Variants in MRPL39 observed in about 807,000 individuals in gnomAD.
MRPL39 encodes the protein large ribosomal subunit protein mL39.
Under a neutral mutation model 44.5 loss-of-function variants are expected in MRPL39, and 35 were observed. The ratio of observed to expected loss-of-function variants is 0.79; its 90% CI spans 0.60 to 1.04. The LOEUF is 1.04. Ranked by LOEUF, MRPL39 falls within the 50% of genes least tolerant of loss-of-function variation. The pLI is 0.00. For synonymous variants in MRPL39, 139 were observed against 136.1 expected, an observed-to-expected ratio of 1.02 and a Z score of -0.15; for missense variants, 433 against 413.5, an observed-to-expected ratio of 1.05 and a Z score of -0.41.
At chr21:25,588,500 T>G (rs2031073543) in intron 9 of MRPL39, among the ~76,000 whole-genome samples, 1 of 152,160 alleles carries the variant, frequency 6.6e-6, no homozygotes, top group Non-Finnish European at 1.5e-5. Flanking sequence ...CTCTAAATAT[T>G]CATTAAGTTT....
chr21:25,592,751 TC>T, intron 8 of MRPL39, 60 bp downstream of exon 8: 1 of 1,276,912 alleles, frequency 7.8e-7, no homozygotes, highest in Non-Finnish European at 1.1e-6. Context: ...TGGTATAAAA[TC>T]AAGTCCGGAA....
intron 6 of MRPL39, among the ~76,000 whole-genome samples, chr21:25,596,379 T>A (rs7509646): frequency 0.59 from 89,638 of 152,094 alleles, 29,184 homozygotes; most frequent in Non-Finnish European, 0.75. Context: ...ATTACAGGCG[T>A]GAGCCACCGC....
intron 9 of MRPL39, among the ~76,000 whole-genome samples, chr21:25,587,169 C>T (rs1259452919): frequency 6.6e-6 from 1 of 152,170 alleles, no homozygotes; most frequent in Non-Finnish European, 1.5e-5. Flanking sequence ...CGTTTTTCTA[C>T]ATTTTTCATT....
intron 3 of MRPL39, among the ~76,000 whole-genome samples, chr21:25,601,918 C>G (rs142639487): frequency 6.6e-6 from 1 of 152,162 alleles, no homozygotes; most frequent in African/African-American, 2.4e-5. Context: ...CCTAACACAT[C>G]GTTCAGATTA....
intron 1 of MRPL39, 78 bp downstream of exon 1, chr21:25,607,325 G>C: frequency 1.3e-6 from 2 of 1,531,212 alleles, no homozygotes; most frequent in Middle Eastern, 1.7e-4. Context: ...GGACCTCCCC[G>C]GCCCCGCCTC....
chr21:25,585,682 T>A lies in MRPL39; in HGVS notation c.*25A>T. 1 of 1,238,576 alleles carries A rather than the reference T, an allele frequency of 8.1e-7. No homozygotes were observed. The highest frequency in any genetic ancestry group is 2.0e-5 in the Admixed American group (1 of 49,436). 76.7% of individuals were successfully genotyped at this position (1,238,576 alleles called of 1,614,324 possible). On this transcript the variant is annotated 3_prime_UTR_variant, in exon 10 of 10. Transcript: ENST00000352957. ...TATATTTAAAACATTTATTTTATTATACATATTTAAATTTTAGAAAGTTAT... is the reference window on the plus strand; with the variant it reads ...TATATTTAAAACATTTATTTTATTAAACATATTTAAATTTTAGAAAGTTAT...
chr21:25,606,286 G>A (rs1033655578), intron 2 of MRPL39, among the ~76,000 whole-genome samples, 163 bp downstream of exon 2: 1 of 152,188 alleles, frequency 6.6e-6, no homozygotes, highest in Non-Finnish European at 1.5e-5. Flanking sequence ...CTGTGATGTG[G>A]TGGGAGCAGT....
At position 25,607,385 on chromosome 21, in the gene MRPL39, AC is replaced by A; in HGVS notation, c.73+17del. 6.2e-7 allele frequency: 1 copy of A among 1,613,498 alleles called. No homozygotes were observed. Among genetic ancestry groups the A allele is most frequent in the Non-Finnish European group, 8.5e-7 (1 of 1,179,762 alleles). ...TATCTAGGCCTCGCTCCCTGTCCCTACGGCCTCTGAAACTCACTCCATTTGA... is the reference window on the plus strand; with the variant it reads ...TATCTAGGCCTCGCTCCCTGTCCCTAGGCCTCTGAAACTCACTCCATTTGA... On this transcript the variant is annotated intron_variant, in intron 1 of 9. Transcript: ENST00000352957.
At chr21:25,593,431 T>C (rs535700363) in intron 7 of MRPL39, among the ~76,000 whole-genome samples, 1 of 152,328 alleles carries the variant, frequency 6.6e-6, no homozygotes, top group African/African-American at 2.4e-5. Context: ...GCAGAATGCA[T>C]TGTCTTGGGA....
At chr21:25,602,014 A>G (rs542101188) in intron 3 of MRPL39, among the ~76,000 whole-genome samples, 5 of 152,156 alleles carry the variant, frequency 3.3e-5, no homozygotes, top group Non-Finnish European at 7.3e-5. Flanking sequence ...ATGGTATCAG[A>G]GCAATGACCT....
intron 5 of MRPL39, among the ~76,000 whole-genome samples, chr21:25,598,330 G>A (rs2031419999): frequency 6.6e-6 from 1 of 151,642 alleles, no homozygotes. Context: ...GCCAAGCACA[G>A]TGGCATACAC....
chr21:25,600,889 C>T (rs572228005), intron 4 of MRPL39, among the ~76,000 whole-genome samples: 4 of 152,238 alleles, frequency 2.6e-5, no homozygotes, highest in Admixed American at 6.5e-5. Flanking sequence ...AGGCAGATCA[C>T]GAGGTCAGGA....
At chr21:25,602,269 G>A (rs945948990) in intron 3 of MRPL39, among the ~76,000 whole-genome samples, 6 of 152,154 alleles carry the variant, frequency 3.9e-5, no homozygotes, top group Admixed American at 1.3e-4. Flanking sequence ...AATGTCTGTT[G>A]AACTCCAGTC....
chr21:25,599,117 G>A (rs1360562042), intron 5 of MRPL39, among the ~76,000 whole-genome samples: 1 of 152,178 alleles, frequency 6.6e-6, no homozygotes, highest in Non-Finnish European at 1.5e-5. Context: ...ATAACCATCA[G>A]CACCCCTTAC....
intron 7 of MRPL39, 91 bp from the exon 8 acceptor site, chr21:25,593,056 A>G: frequency 8.8e-7 from 1 of 1,139,842 alleles, no homozygotes; most frequent in Non-Finnish European, 1.2e-6. Context: ...CTTTGCTGCT[A>G]ACATCCCTAA....
intron 8 of MRPL39, among the ~76,000 whole-genome samples, chr21:25,589,861 T>C (rs2031116391): frequency 6.6e-6 from 1 of 152,190 alleles, no homozygotes; most frequent in Non-Finnish European, 1.5e-5. Context: ...TGCAGAGACC[T>C]TAAGCTGTGG....
At chr21:25,607,569 C>G, upstream of MRPL39, 2 of 1,304,478 alleles carry the variant, frequency 1.5e-6, no homozygotes, top group Non-Finnish European at 2.1e-6. Flanking sequence ...CAGGTCTGTT[C>G]CGGACCCAGC....
At chr21:25,598,830 C>A in intron 5 of MRPL39, among the ~76,000 whole-genome samples, 1 of 137,088 alleles carries the variant, frequency 7.3e-6, no homozygotes, top group Admixed American at 7.8e-5. Flanking sequence ...CAGTATTTTA[C>A]TAAATCTAAG....
rs116331755 is a variant in MRPL39 at position 25,603,832 on chromosome 21, A to G, written c.384T>C (p.Leu128=). ...CTCCTGGATCACAATCTTTGAAAGT[A>G]AGAAATTTAATTTCACAGGACTTTG... ...PLTKSCEIKF[L]TFKDCDPGEV... is the part of the protein sequence containing the mutation. Residue 128 remains leucine (L), a synonymous_variant, in exon 3 of 10, where the codon CTT becomes CTC. Coordinates refer to ENST00000352957, the MANE Select transcript of MRPL39 (RefSeq NM_017446.4). 5.8e-5 allele frequency: 93 copies of G among 1,612,028 alleles called. No homozygotes were observed. In the African/African-American group the frequency reaches 1.1e-3, roughly 18 times the overall value.
Sources: allele counts gnomAD v4.1 joint callset (sites outside exome capture counted in the v4.1 genomes callset), GRCh38; gene constraint gnomAD v4.1.1; transcripts MANE v1.5; gene names NCBI Gene and HGNC (gene_info 2026-07-23, HGNC 2026-07-21).